The following MAPT variants were observed in gnomAD, a reference collection of about 807,000 sequenced individuals.
The protein encoded by MAPT is microtubule-associated protein tau.
Under a neutral mutation model 67.9 loss-of-function variants are expected in MAPT, and 34 were observed. The ratio of observed to expected loss-of-function variants is 0.50; its 90% confidence interval spans 0.38 to 0.67. The LOEUF is 0.67. Ranked by LOEUF, MAPT falls within the 30% of genes least tolerant of loss-of-function variation. The pLI, the probability that MAPT is intolerant of heterozygous loss-of-function variation, is 0.00. For synonymous variants in MAPT, 456 were observed against 464.5 expected (o/e 0.98, Z 0.23); for missense variants, 881 against 1,115.2 (o/e 0.79, Z 2.99).
chr17:45,978,452 G>A lies in MAPT; in HGVS notation c.286+12G>A, dbSNP rs1376290340. On this transcript the variant is annotated intron_variant, in intron 4 of 12. Transcript: ENST00000262410. The stretch of plus-strand genomic sequence containing the variant: ...TCACGTGACCCAAGGTCAGTGAACT[G>A]GAATTGCCTGCCATGACTTGGGGGT... 6.2e-7 allele frequency: 1 copy of A among 1,611,636 alleles called. No homozygotes were observed. The highest frequency in any genetic ancestry group is 8.5e-7 in the Non-Finnish European group (1 of 1,178,362).
At chr17:45,938,235 C>A (rs983443620) in intron 1 of MAPT, among the ~76,000 whole-genome samples, 1 of 152,204 alleles carries the variant, frequency 6.6e-6, no homozygotes, top group Non-Finnish European at 1.5e-5. Flanking sequence ...GGCAAGGTTG[C>A]GGTCCTTTCT....
rs367744692 is a variant in MAPT at position 45,990,027 on chromosome 17, T to G, written c.1557T>G (p.Ser519=). 14 of 1,614,052 alleles carry G rather than the reference T, an allele frequency of 8.7e-6. No homozygotes were observed. Among genetic ancestry groups the G allele is most frequent in the Admixed American group, 1.7e-5 (1 of 59,986 alleles). Residue 519 remains serine (S), a synonymous_variant, in exon 7 of 13, where the codon TCT becomes TCG. Transcript: ENST00000262410. The part of the protein sequence containing the change: ...EPPSSPKYVS[S]VTSRTGSSGA... ...CTTCCTCTCCTAAATACGTCTCTTC[T>G]GTCACTTCCCGAACTGGCAGTTCTG... is the stretch of plus-strand genomic sequence containing the variant.
At chr17:45,944,699 T>C (rs2144987868) in intron 1 of MAPT, among the ~76,000 whole-genome samples, 1 of 152,234 alleles carries the variant, frequency 6.6e-6, no homozygotes, top group African/African-American at 2.4e-5. Flanking sequence ...TGGTTATCAT[T>C]CCGGTTTACA....
intron 1 of MAPT, among the ~76,000 whole-genome samples, chr17:45,920,775 G>A (rs2065634728): frequency 6.6e-6 from 1 of 152,114 alleles, no homozygotes; most frequent in Admixed American, 6.5e-5. Flanking sequence ...CCCCGAGAGA[G>A]TGGGGCACCC....
intron 1 of MAPT, among the ~76,000 whole-genome samples, chr17:45,905,985 C>T (rs961441285): frequency 6.6e-6 from 1 of 152,160 alleles, no homozygotes; most frequent in African/African-American, 2.4e-5. Context: ...GCTCCCTTAG[C>T]GTCAGTCAGA....
At chr17:45,910,140 A>G (rs1201195948) in intron 1 of MAPT, among the ~76,000 whole-genome samples, 1 of 152,190 alleles carries the variant, frequency 6.6e-6, no homozygotes, top group African/African-American at 2.4e-5. Flanking sequence ...CACTGGAAAC[A>G]CACAGGCACG....
At chr17:45,990,474 C>A in intron 7 of MAPT, 1 of 448,742 alleles carries the variant, frequency 2.2e-6, no homozygotes, top group Non-Finnish European at 4.4e-6. Flanking sequence ...ATTAGCCGGG[C>A]GTGGTGGTAT....
At chr17:45,956,600 ATT>A (rs60652728) in intron 1 of MAPT, among the ~76,000 whole-genome samples, 88 of 102,638 alleles carry the variant, frequency 8.6e-4, no homozygotes, top group African/African-American at 3.1e-3. Context: ...ATATATATAT[ATT>A]TTTTATTATT....
At chr17:45,989,775 C>T in intron 6 of MAPT, 103 bp from the exon 7 acceptor site, 1 of 1,039,498 alleles carries the variant, frequency 9.6e-7, no homozygotes. Context: ...TGCTTTCAAC[C>T]ATTACCTGCC....
At chr17:45,965,658 C>T (rs1019418285) in intron 2 of MAPT, among the ~76,000 whole-genome samples, 4 of 151,802 alleles carry the variant, frequency 2.6e-5, no homozygotes, top group African/African-American at 7.2e-5. Flanking sequence ...TCAGGTAATC[C>T]GCCCACCTCA....
rs1455526544 is a variant in MAPT, at chr17:46,026,301, G to GT, written c.*2131dup. 5 of 152,648 alleles carry GT rather than the reference G, an allele frequency of 3.3e-5. No individual in the cohort carries two copies. Among genetic ancestry groups the GT allele is most frequent in the African/African-American group, 1.2e-4 (5 of 41,448 alleles). 9.5% of individuals were successfully genotyped at this position (152,648 alleles called of 1,614,324 possible). ...TAGCAGCTAAGGAGGCCGTTCAGCT[G>GT]TGACGAAGGCCTGAAGCACAGGATT... On this transcript the variant is annotated 3_prime_UTR_variant, in exon 13 of 13. Coordinates refer to ENST00000262410, the MANE Select transcript of MAPT (RefSeq NM_001377265.1).
intron 9 of MAPT, among the ~76,000 whole-genome samples, chr17:46,003,364 C>T (rs367930401): frequency 2.3e-4 from 35 of 151,798 alleles, no homozygotes; most frequent in African/African-American, 7.0e-4. Flanking sequence ...CTGCAACCTC[C>T]GCCTCCCAGG....
chr17:45,946,618 ATAT>A (rs2068537461), intron 1 of MAPT, among the ~76,000 whole-genome samples: 21 of 98,302 alleles, frequency 2.1e-4, no homozygotes, highest in East Asian at 4.8e-4. Context: ...AAAAAAAAAT[ATAT>A]ATATATATAT....
chr17:45,903,997 T>A (rs1289654553), intron 1 of MAPT, among the ~76,000 whole-genome samples: 15 of 11,590 alleles, frequency 1.3e-3, no homozygotes, highest in African/African-American at 4.9e-3. Context: ...TTTATATATA[T>A]TATATATTAT....
chr17:45,992,208 A>C lies in MAPT; in HGVS notation c.1732+622A>C, dbSNP rs188705861. Among the ~76,000 whole-genome samples, 176 of 152,358 alleles carry C rather than the reference A, an allele frequency of 1.2e-3. 3 individuals carry two copies. Among genetic ancestry groups the C allele is most frequent in the Admixed American group, 6.0e-3 (92 of 15,304 alleles). On this transcript the variant is annotated intron_variant, in intron 8 of 12. Coordinates refer to ENST00000262410, the MANE Select transcript of MAPT (RefSeq NM_001377265.1). ...TCTGAGAGTTTGCTTGACTGAGTCT[A>C]ACCAGCTCATTTTAAACCCGAGGAA...
At chr17:45,969,541 C>T (rs1426803559) in intron 2 of MAPT, among the ~76,000 whole-genome samples, 1 of 151,080 alleles carries the variant, frequency 6.6e-6, no homozygotes, top group Admixed American at 6.6e-5. Flanking sequence ...ATTCTTCCCT[C>T]GGTTCATCCA....
At chr17:45,976,082 A>G (rs2217394) in intron 3 of MAPT, 22,024 of 152,248 alleles carry the variant, frequency 0.14, 2,143 homozygotes, top group Non-Finnish European at 0.22. Context: ...AGGTCCTGCT[A>G]GTTGCCACCT....
At chr17:45,964,976 C>A (rs985497025) in intron 2 of MAPT, among the ~76,000 whole-genome samples, 1 of 152,104 alleles carries the variant, frequency 6.6e-6, no homozygotes, top group African/African-American at 2.4e-5. Flanking sequence ...CTCCCAGCTG[C>A]CCCCCTGGCA....
intron 6 of MAPT, 120 bp downstream of exon 6, chr17:45,987,215 AT>A (rs1055290608): frequency 1.1e-6 from 1 of 949,600 alleles, no homozygotes. Context: ...TACAGCTGTC[AT>A]TTAAAGTGCT....
Sources: gnomAD v4.1 joint callset for allele counts (sites outside exome capture counted in the v4.1 genomes callset) on GRCh38, gnomAD v4.1.1 for gene constraint, MANE v1.5 for transcripts, NCBI Gene and HGNC (gene_info 2026-07-23, HGNC 2026-07-21) for gene names.